DIPK1A: variants seen among roughly 807,000 people sequenced by gnomAD.
DIPK1A encodes family with sequence similarity 69 member A.
In DIPK1A, 27 loss-of-function variants were observed where a neutral mutation model predicts 40.8. That is an observed-to-expected ratio of 0.66 (90% CI 0.49 to 0.91). The LOEUF is 0.91. DIPK1A is among the 40% of genes least tolerant of loss of function. The pLI is 0.00. For synonymous variants in DIPK1A, 166 were observed against 171.3 expected (o/e 0.97, Z 0.24); for missense variants, 412 against 505.7 (o/e 0.81, Z 1.78).
At chr1:92,903,295 C>T (rs1649491462) in intron 1 of DIPK1A, among the ~76,000 whole-genome samples, 1 of 152,156 alleles carries the variant, frequency 6.6e-6, no homozygotes, top group Admixed American at 6.5e-5. Flanking sequence ...ATCCTCCCAC[C>T]TTGGCCTCCC....
intron 2 of DIPK1A, among the ~76,000 whole-genome samples, chr1:92,851,370 C>A (rs1332804108): frequency 6.6e-6 from 1 of 151,214 alleles, no homozygotes; most frequent in Non-Finnish European, 1.5e-5. Flanking sequence ...ATGGTGAAAC[C>A]CCATCTCTAC....
chr1:92,956,806 C>A (rs1339943480), intron 1 of DIPK1A, among the ~76,000 whole-genome samples: 4 of 152,324 alleles, frequency 2.6e-5, no homozygotes, highest in Admixed American at 2.6e-4. Flanking sequence ...ATGCCATCTA[C>A]CCATTCACTC....
chr1:92,876,572 C>T lies in DIPK1A; in HGVS notation c.55-142G>A, dbSNP rs1204832958. The T allele has an allele frequency of 1.4e-5, 12 of 832,196 alleles. No homozygotes were observed. The East Asian group carries it at 3.3e-4, about 23-fold the overall frequency. 51.6% of individuals were successfully genotyped at this position (832,196 alleles called of 1,614,324 possible). A position where few individuals can be genotyped will look rare whatever the true frequency, so the allele number is the denominator to read the frequency against. On this transcript the variant is annotated intron_variant, in intron 1 of 4. Transcript: ENST00000370310. ...TATGGCAATTCTAGAACAAAGTGCA[C>T]TTTCACTGAGTCCAAACAGCACTGG...
At chr1:92,884,749 AAAC>A (rs1282572985) in intron 1 of DIPK1A, among the ~76,000 whole-genome samples, 1 of 152,180 alleles carries the variant, frequency 6.6e-6, no homozygotes, top group Non-Finnish European at 1.5e-5. Flanking sequence ...TGTTTTACCT[AAAC>A]TTGGAGATGA....
chr1:92,920,908 A>G (rs186319747), intron 1 of DIPK1A, among the ~76,000 whole-genome samples: 4 of 152,294 alleles, frequency 2.6e-5, no homozygotes, highest in Admixed American at 1.3e-4. Context: ...TAGATTTTGC[A>G]TAGGAGCCAG....
At chr1:92,950,591 T>C (rs1651591205) in intron 1 of DIPK1A, among the ~76,000 whole-genome samples, 1 of 152,172 alleles carries the variant, frequency 6.6e-6, no homozygotes. Context: ...GATGAGATGA[T>C]GCATTCAAAA....
intron 4 of DIPK1A, chr1:92,836,110 T>TA (rs1379989993): frequency 7.5e-7 from 1 of 1,334,826 alleles, no homozygotes; most frequent in Non-Finnish European, 1.1e-6. Flanking sequence ...CAGTGGTCCT[T>TA]ACGGTTATGA....
At position 92,850,863 on chromosome 1, in the gene DIPK1A, G is replaced by A; in HGVS notation, c.282C>T (p.Thr94=). ...ETLYFGKCLS[T]KPNNQMYLGI... ...ATGGCCATACCTGATTGTTGGGCTTGGTGGATAAACATTTTCCAAAGTAAA... is the reference window on the plus strand; with the variant it reads ...ATGGCCATACCTGATTGTTGGGCTTAGTGGATAAACATTTTCCAAAGTAAA... The change falls in exon 3 of 5, where the codon ACC becomes ACT. Residue 94 remains threonine, a synonymous_variant. Transcript: ENST00000370310. The A allele has an allele frequency of 6.4e-7, 1 of 1,560,486 alleles. No homozygotes were observed. The highest frequency in any genetic ancestry group is 8.7e-7 in the Non-Finnish European group (1 of 1,149,888).
chr1:92,878,742 C>T (rs374270201), intron 1 of DIPK1A, among the ~76,000 whole-genome samples: 6 of 152,044 alleles, frequency 3.9e-5, no homozygotes, highest in African/African-American at 1.4e-4. Flanking sequence ...ATAGCGTGAA[C>T]CCCGGGGGGC....
At chr1:92,939,649 C>A (rs1173868760) in intron 1 of DIPK1A, among the ~76,000 whole-genome samples, 3 of 152,210 alleles carry the variant, frequency 2.0e-5, no homozygotes, top group South Asian at 2.1e-4. Flanking sequence ...AAAAAATGAT[C>A]ATAGAAAATT....
At chr1:92,832,756 C>T (rs1686960136) in exon 5 of DIPK1A, 4 of 484,196 alleles carry the variant, frequency 8.3e-6, no homozygotes, top group Non-Finnish European at 1.5e-5. Context: ...GGTAGGGCCC[C>T]AAGGGTGGGA....
At chr1:92,913,264 T>C (rs1649907114) in intron 1 of DIPK1A, among the ~76,000 whole-genome samples, 1 of 152,188 alleles carries the variant, frequency 6.6e-6, no homozygotes, top group Admixed American at 6.5e-5. Flanking sequence ...TTACACAATT[T>C]ATTCCCAAGC....
At chr1:92,956,967 C>G (rs375632415) in intron 1 of DIPK1A, among the ~76,000 whole-genome samples, 1 of 152,138 alleles carries the variant, frequency 6.6e-6, no homozygotes, top group African/African-American at 2.4e-5. Flanking sequence ...TAGAACTGCA[C>G]CAACTTTTCA....
chr1:92,859,960 C>A (rs752642609), intron 2 of DIPK1A, among the ~76,000 whole-genome samples: 1 of 152,144 alleles, frequency 6.6e-6, no homozygotes, highest in Non-Finnish European at 1.5e-5. Context: ...CCTTGGTCTC[C>A]CAAAGTGCTG....
chr1:92,838,436 A>T (rs765065458), downstream of DIPK1A, among the ~76,000 whole-genome samples: 1 of 152,220 alleles, frequency 6.6e-6, no homozygotes, highest in Non-Finnish European at 1.5e-5. Flanking sequence ...TTCCTAACCT[A>T]TATCTTTATG....
At chr1:92,905,462 T>C (rs1649585846) in intron 1 of DIPK1A, among the ~76,000 whole-genome samples, 1 of 152,194 alleles carries the variant, frequency 6.6e-6, no homozygotes, top group African/African-American at 2.4e-5. Context: ...CTTTTGCCCA[T>C]TTTAAAATCA....
chr1:92,876,409 T>C lies in DIPK1A; in HGVS notation c.76A>G (p.Met26Val), dbSNP rs1423951683. The change falls in exon 2 of 5, where the codon ATG (methionine) becomes GTG (valine). Residue 26 changes from methionine (M) to valine (V), a missense_variant. Met to Val is a conservative substitution (Grantham distance 21, BLOSUM62 1). Transcript: ENST00000370310. ...AACCAGGAAAAGAAAAGATATTTCA[T>C]CCGCACATATGAGAAGCGAGCCTGT... Reference protein sequence around the residue: ...YLQARFSYVRMKYLFFSWLVV... With the variant: ...YLQARFSYVRVKYLFFSWLVV... 1 of 1,613,390 alleles carries C rather than the reference T, an allele frequency of 6.2e-7. No individual in the cohort carries two copies. Among genetic ancestry groups the C allele is most frequent in the Non-Finnish European group, 8.5e-7 (1 of 1,179,606 alleles).
downstream of DIPK1A, chr1:92,837,413 A>G (rs764719541): frequency 1.6e-5 from 24 of 1,538,958 alleles, no homozygotes; most frequent in African/African-American, 3.3e-4. Flanking sequence ...TAGTAAACTA[A>G]GTTAAGTGAG....
At chr1:92,884,181 C>T (rs937496652) in intron 1 of DIPK1A, among the ~76,000 whole-genome samples, 1 of 152,046 alleles carries the variant, frequency 6.6e-6, no homozygotes, top group Non-Finnish European at 1.5e-5. Flanking sequence ...ATATTAAGAG[C>T]GGTGGCTCAC....
Sources: allele counts gnomAD v4.1 joint callset (sites outside exome capture counted in the v4.1 genomes callset), GRCh38; gene constraint gnomAD v4.1.1; transcripts MANE v1.5; gene names NCBI Gene and HGNC (gene_info 2026-07-23, HGNC 2026-07-21).